The following MAPT variants were observed in gnomAD, a reference collection of about 807,000 sequenced individuals.
MAPT encodes microtubule-associated protein tau.
Under a neutral mutation model 67.9 loss-of-function variants are expected in MAPT, and 34 were observed. The observed-to-expected ratio is 0.50, with a 90% CI of 0.38 to 0.67. The LOEUF (loss-of-function observed/expected upper bound fraction) is 0.67, where lower values mean the gene tolerates loss of function less well. Among genes scored for constraint, MAPT ranks in the 30% least tolerant of loss-of-function variants. The pLI is 0.00. For missense variants in MAPT, 881 were observed against 1,115.2 expected, an observed-to-expected ratio of 0.79 and a Z score of 2.99; for synonymous variants, 456 against 464.5, an observed-to-expected ratio of 0.98 and a Z score of 0.23.
At chr17:45,983,985 G>C in intron 5 of MAPT, 55 bp downstream of exon 5, 1 of 1,431,194 alleles carries the variant, frequency 7.0e-7, no homozygotes, top group South Asian at 1.4e-5. Context: ...GGCCTCCCAG[G>C]CTGCGGGCAC....
intron 1 of MAPT, among the ~76,000 whole-genome samples, chr17:45,944,656 G>A (rs764193793): frequency 5.3e-5 from 8 of 152,180 alleles, no homozygotes; most frequent in African/African-American, 9.7e-5. Flanking sequence ...TGCATCGTTC[G>A]CAGCGTACAT....
chr17:45,946,475 T>C (rs899124516), intron 1 of MAPT, among the ~76,000 whole-genome samples: 2 of 148,232 alleles, frequency 1.3e-5, no homozygotes, highest in African/African-American at 4.9e-5. Flanking sequence ...GGTGGGTGCC[T>C]GTAGTCCCAG....
At chr17:45,917,163 G>C (rs924488828) in intron 1 of MAPT, among the ~76,000 whole-genome samples, 1 of 152,326 alleles carries the variant, frequency 6.6e-6, no homozygotes, top group Middle Eastern at 3.4e-3. Flanking sequence ...TTTCCCTGCA[G>C]CCTCCTGCCC....
intron 10 of MAPT, among the ~76,000 whole-genome samples, chr17:46,012,727 C>A (rs2075899349): frequency 6.6e-6 from 1 of 152,096 alleles, no homozygotes; most frequent in Admixed American, 6.5e-5. Context: ...CCTCTCCTTT[C>A]TGGCCGTTCC....
At chr17:45,950,943 G>A (rs887302625) in intron 1 of MAPT, among the ~76,000 whole-genome samples, 2 of 152,224 alleles carry the variant, frequency 1.3e-5, no homozygotes, top group African/African-American at 4.8e-5. Flanking sequence ...GATTTCAGGT[G>A]TGAGCCACCG....
chr17:45,950,101 C>T (rs2068910612), intron 1 of MAPT, among the ~76,000 whole-genome samples: 1 of 152,098 alleles, frequency 6.6e-6, no homozygotes, highest in African/African-American at 2.4e-5. Flanking sequence ...GTCACTGGGG[C>T]TCGGTGGCCT....
intron 1 of MAPT, among the ~76,000 whole-genome samples, chr17:45,945,438 G>T (rs1163881844): frequency 6.6e-6 from 1 of 152,330 alleles, no homozygotes; most frequent in East Asian, 1.9e-4. Context: ...TGGACCATTT[G>T]CTGCCTGTTA....
chr17:45,947,360 A>G (rs952522068), intron 1 of MAPT, among the ~76,000 whole-genome samples: 35 of 150,672 alleles, frequency 2.3e-4, no homozygotes, highest in Non-Finnish European at 3.4e-4. Context: ...GTGTTTATTA[A>G]GCCTCCTCAT....
chr17:45,985,870 T>A, intron 5 of MAPT: 1 of 224,126 alleles, frequency 4.5e-6, no homozygotes, highest in Non-Finnish European at 7.5e-6. Flanking sequence ...CATAGTATAG[T>A]TGGAAAACCT....
In MAPT at chr17:46,009,425, G is replaced by C. The variant is rs1243768009; in HGVS notation, c.1999-885G>C. Among the ~76,000 whole-genome samples, 2 of 113,654 alleles carry C rather than the reference G, an allele frequency of 1.8e-5. 1 individual carries two copies. Among genetic ancestry groups the C allele is most frequent in the Non-Finnish European group, 4.7e-5 (2 of 42,376 alleles). The allele number at this position is 113,654 out of a possible 152,430, so 74.6% of individuals were successfully genotyped here. A position where few individuals can be genotyped will look rare whatever the true frequency, so the allele number is the denominator to read the frequency against. ...ACGCTGATATTTTCACACCTCCCTG[G>C]TGTCTGCAGAAAGAACCTTCCAGAA... is the stretch of plus-strand genomic sequence containing the variant. On this transcript the variant is annotated intron_variant, in intron 9 of 12. Transcript: ENST00000262410.
At chr17:45,944,285 C>T (rs530350222) in intron 1 of MAPT, among the ~76,000 whole-genome samples, 2 of 152,290 alleles carry the variant, frequency 1.3e-5, no homozygotes, top group Admixed American at 6.5e-5. Context: ...GACTCCAGTC[C>T]GGGTTCCCTT....
chr17:46,007,669 A>C (rs1169819212), intron 9 of MAPT, among the ~76,000 whole-genome samples: 1 of 152,192 alleles, frequency 6.6e-6, no homozygotes, highest in Admixed American at 6.5e-5. Context: ...TAAGCAAAAC[A>C]ATGTTGTAAA....
At chr17:45,992,933 G>A (rs2074184882) in intron 8 of MAPT, among the ~76,000 whole-genome samples, 1 of 151,618 alleles carries the variant, frequency 6.6e-6, no homozygotes, top group African/African-American at 2.4e-5. Context: ...TTGGGGATTA[G>A]GGACAGCCTG....
Position 46,024,461 on chromosome 17 carries a change from A to G in MAPT, c.*290A>G, listed in dbSNP as rs1298060046. ...GCCACATCCAACATTTCCTCAGGCA[A>G]TTCCTTTTGATTCTTTTTTCTTCCC... On this transcript the variant is annotated 3_prime_UTR_variant, in exon 13 of 13. Transcript: ENST00000262410. 3.9e-6 allele frequency: 2 copies of G among 510,252 alleles called. No individual in the cohort carries two copies. Among genetic ancestry groups the G allele is most frequent in the Non-Finnish European group, 7.1e-6 (2 of 281,138 alleles). The allele number at this position is 510,252 out of a possible 1,614,324, so 31.6% of individuals were successfully genotyped here.
chr17:45,978,597 T>C, intron 4 of MAPT, 157 bp downstream of exon 4: 3 of 619,160 alleles, frequency 4.8e-6, no homozygotes, highest in East Asian at 2.7e-5. Context: ...TACTCAGATA[T>C]AGAAAGAGCC....
intron 4 of MAPT, among the ~76,000 whole-genome samples, chr17:45,980,865 C>T (rs935947391): frequency 6.6e-6 from 1 of 152,148 alleles, no homozygotes; most frequent in African/African-American, 2.4e-5. Flanking sequence ...CTGGGCTGTT[C>T]TTCCCAGAGA....
chr17:45,903,186 G>C lies in MAPT; in HGVS notation c.-18+8500G>C, dbSNP rs578007481. ...GACAAATTCATGGAACCGTGGGACG[G>C]TGCTCCTCCCCCAGCGTAAAGGACA... is the stretch of plus-strand genomic sequence containing the variant. On this transcript the variant is annotated intron_variant, in intron 1 of 12. Transcript: ENST00000262410. Among the ~76,000 whole-genome samples, 8 of 152,290 alleles carry C rather than the reference G, an allele frequency of 5.3e-5. No individual in the cohort carries two copies. In the East Asian group the frequency reaches 1.2e-3, roughly 22 times the overall value.
chr17:45,902,131 A>G lies in MAPT; in HGVS notation c.-18+7445A>G, dbSNP rs530847479. On this transcript the variant is annotated intron_variant, in intron 1 of 12. Transcript: ENST00000262410. ...GCTCTATCGCCCAGGCTTAAGTGCA[A>G]TGGCGCGATCTTGGCTCACTGCGAC... 1.3e-4 allele frequency among the ~76,000 whole-genome samples: 20 copies of G among 152,044 alleles called. No homozygotes were observed. The East Asian group carries it at 2.1e-3, about 16-fold the overall frequency.
In MAPT at chr17:45,971,372, C is replaced by T. The variant is rs73984658; in HGVS notation, c.134-487C>T. On this transcript the variant is annotated intron_variant, in intron 2 of 12. Coordinates refer to ENST00000262410, the MANE Select transcript of MAPT (RefSeq NM_001377265.1). This position sits in a 1 kb window ranked among gnomAD's most constrained non-coding sequence, Gnocchi z 4.3. ...AAAGGAGCTTGGTGGCGTCCAAACA[C>T]CACCCAATGTCCACTTAGAAGTAAG... Among the ~76,000 whole-genome samples, 526 of 152,314 alleles carry T rather than the reference C, an allele frequency of 3.5e-3. 2 individuals carry two copies. The highest frequency in any genetic ancestry group is 0.012 in the African/African-American group (498 of 41,572).
Sources: gnomAD v4.1 joint callset for allele counts (sites outside exome capture counted in the v4.1 genomes callset) on GRCh38, gnomAD v4.1.1 for gene constraint, Gnocchi (gnomAD v3.1) non-coding constraint, MANE v1.5 for transcripts, NCBI Gene and HGNC (gene_info 2026-07-23, HGNC 2026-07-21) for gene names.